ELAC1: variants seen among roughly 807,000 people sequenced by gnomAD.
ELAC1 encodes zinc phosphodiesterase ELAC protein 1.
Under a neutral mutation model 25.8 loss-of-function variants are expected in ELAC1, and 19 were observed. The observed-to-expected ratio is 0.74, with a 90% CI of 0.51 to 1.08. ELAC1 has a LOEUF of 1.08. ELAC1 is among the 50% of genes least tolerant of loss of function. The pLI, the probability that ELAC1 is intolerant of heterozygous loss-of-function variation, is 0.00. For missense variants in ELAC1, 403 were observed against 434.6 expected, an observed-to-expected ratio of 0.93 and a Z score of 0.65; for synonymous variants, 148 against 160.9, an observed-to-expected ratio of 0.92 and a Z score of 0.61.
Position 50,987,011 on chromosome 18 carries a change from G to C in ELAC1, c.1018G>C (p.Glu340Gln). 1 of 1,611,182 alleles carries C rather than the reference G, an allele frequency of 6.2e-7. No homozygotes were observed. Among genetic ancestry groups the C allele is most frequent in the South Asian group, 1.1e-5 (1 of 90,480 alleles). The change falls in exon 4 of 4, where the codon GAA becomes CAA. Residue 340 changes from glutamate to glutamine, a missense_variant. By Grantham distance (29) the Glu-to-Gln change is conservative (BLOSUM62 2). Coordinates refer to ENST00000269466, the MANE Select transcript of ELAC1 (RefSeq NM_018696.3). ...CATTGCAGAACTAAAAAAGCAAGCT[G>C]AATCAGTGTTAGATCTCCAAGAAGT... ...DGIAELKKQA[E>Q]SVLDLQEVTL... is the part of the protein sequence containing the mutation.
chr18:50,973,573 A>G (rs564377686), intron 1 of ELAC1, among the ~76,000 whole-genome samples: 1 of 152,346 alleles, frequency 6.6e-6, no homozygotes, highest in East Asian at 1.9e-4. Context: ...CATTACTGTT[A>G]TGATTGTTCA....
intron 2 of ELAC1, among the ~76,000 whole-genome samples, chr18:50,977,795 A>T (rs1318315056): frequency 1.3e-5 from 2 of 152,198 alleles, no homozygotes; most frequent in Admixed American, 1.3e-4. Context: ...CTTTAAACAT[A>T]AGTTACAATT....
intron 2 of ELAC1, among the ~76,000 whole-genome samples, chr18:50,976,243 C>T (rs1907793851): frequency 6.6e-6 from 1 of 152,122 alleles, no homozygotes; most frequent in South Asian, 2.1e-4. Flanking sequence ...GAGAGAATAG[C>T]ATCAGGGAGA....
At chr18:50,969,632 AAGAG>A (rs1213270275) in intron 1 of ELAC1, 2 of 152,258 alleles carry the variant, frequency 1.3e-5, no homozygotes, top group East Asian at 1.9e-4. Context: ...TAACGTCAGA[AAGAG>A]AGACAGCTAG....
intron 2 of ELAC1, among the ~76,000 whole-genome samples, chr18:50,980,394 T>C (rs774083579): frequency 1.3e-5 from 2 of 150,732 alleles, no homozygotes; most frequent in Non-Finnish European, 3.0e-5. Flanking sequence ...CAAAACAAAA[T>C]AAAAGAAAAC....
At chr18:50,980,696 G>T (rs1292102213) in intron 2 of ELAC1, among the ~76,000 whole-genome samples, 2 of 150,950 alleles carry the variant, frequency 1.3e-5, no homozygotes, top group Non-Finnish European at 2.9e-5. Context: ...CCAGGAGGCG[G>T]AGGTTGTGGT....
chr18:50,986,995 A>G lies in ELAC1; in HGVS notation c.1002A>G (p.Glu334=). 6.2e-7 allele frequency: 1 copy of G among 1,613,292 alleles called. No homozygotes were observed. The highest frequency in any genetic ancestry group is 1.1e-5 in the South Asian group (1 of 90,928). Residue 334 remains glutamate, a synonymous_variant, in exon 4 of 4, where the codon GAA becomes GAG. Coordinates refer to ENST00000269466, the MANE Select transcript of ELAC1 (RefSeq NM_018696.3). ...AREGETDGIA[E]LKKQAESVLD... is the part of the protein sequence containing the mutation. ...AAGGAGAAACAGATGGCATTGCAGA[A>G]CTAAAAAAGCAAGCTGAATCAGTGT...
chr18:50,979,577 A>G (rs1907886480), intron 2 of ELAC1, among the ~76,000 whole-genome samples: 1 of 152,168 alleles, frequency 6.6e-6, no homozygotes, highest in Non-Finnish European at 1.5e-5. Context: ...TTCTTGTGCC[A>G]TATTCTGCTG....
chr18:50,984,303 A>C lies in ELAC1; in HGVS notation c.365A>C (p.Glu122Ala), dbSNP rs755429988. 1 of 1,614,208 alleles carries C rather than the reference A, an allele frequency of 6.2e-7. No homozygotes were observed. The highest frequency in any genetic ancestry group is 8.5e-7 in the Non-Finnish European group (1 of 1,180,032). ...TELVFHYVVH[E>A]LVPTADQCPA... is the part of the protein sequence containing the mutation. The stretch of plus-strand genomic sequence containing the variant: ...CTGGTCTTCCATTATGTGGTTCATG[A>C]ACTGGTTCCTACAGCAGATCAATGT... Residue 122 changes from glutamate (E) to alanine (A), a missense_variant, in exon 3 of 4, where the codon GAA becomes GCA. Glu to Ala is a moderately radical substitution (Grantham distance 107, BLOSUM62 -1). Transcript: ENST00000269466.
At position 50,987,923 on chromosome 18, in the gene ELAC1, A is replaced by C. The variant is rs530971903; in HGVS notation, c.*838A>C. On this transcript the variant is annotated 3_prime_UTR_variant, in exon 4 of 4. Transcript: ENST00000269466. Reference sequence around the variant, plus strand: ...GATGTGAATATAGTTTACCAAAATTAGTGACATAATGAGTGGAATTACTAG... The same window carrying C: ...GATGTGAATATAGTTTACCAAAATTCGTGACATAATGAGTGGAATTACTAG... The C allele has an allele frequency of 6.6e-6, 1 of 152,376 alleles. No individual in the cohort carries two copies. The highest frequency in any genetic ancestry group is 2.1e-4 in the South Asian group (1 of 4,832). The allele number at this position is 152,376 out of a possible 1,614,324, so 9.4% of individuals were successfully genotyped here.
Position 50,986,828 on chromosome 18 carries a change from G to C in ELAC1, c.835G>C (p.Asp279His). 1 of 1,614,180 alleles carries C rather than the reference G, an allele frequency of 6.2e-7. No individual in the cohort carries two copies. The highest frequency in any genetic ancestry group is 8.5e-7 in the Non-Finnish European group (1 of 1,180,024). The change falls in exon 4 of 4, where the codon GAT becomes CAT. Residue 279 changes from aspartate (D) to histidine (H), a missense_variant. Coordinates refer to ENST00000269466, the MANE Select transcript of ELAC1 (RefSeq NM_018696.3). ...ADLLIHEATLDDAQMDKAKEH... is the reference protein window; with the variant it reads ...ADLLIHEATLHDAQMDKAKEH... ...CCTGTTGATCCACGAAGCAACCCTG[G>C]ATGATGCCCAGATGGACAAAGCAAA...
In ELAC1 at chr18:50,985,940, A is replaced by G. The variant is rs76027420; in HGVS notation, c.626-679A>G. 5.6e-3 allele frequency among the ~76,000 whole-genome samples: 847 copies of G among 152,228 alleles called. 8 individuals are homozygous for G. Among genetic ancestry groups the G allele is most frequent in the African/African-American group, 0.019 (798 of 41,542 alleles). On this transcript the variant is annotated intron_variant, in intron 3 of 3. Coordinates refer to ENST00000269466, the MANE Select transcript of ELAC1 (RefSeq NM_018696.3). ...AAATGCTCCTTGATCTTGTAATACA[A>G]ACAATCCTGCTAACAATTTTTTTAT...
At chr18:50,973,212 C>T (rs1907709253) in intron 1 of ELAC1, among the ~76,000 whole-genome samples, 1 of 152,186 alleles carries the variant, frequency 6.6e-6, no homozygotes, top group Admixed American at 6.6e-5. Flanking sequence ...ATCTAGCTGT[C>T]AGTCAAATTC....
chr18:50,986,391 T>A (rs1908108731), intron 3 of ELAC1, among the ~76,000 whole-genome samples: 1 of 152,174 alleles, frequency 6.6e-6, no homozygotes, highest in African/African-American at 2.4e-5. Context: ...AGACTAAAAC[T>A]TGTCTGACAT....
chr18:50,975,033 AG>A (rs1907765945), intron 2 of ELAC1, among the ~76,000 whole-genome samples: 1 of 152,154 alleles, frequency 6.6e-6, no homozygotes, highest in Non-Finnish European at 1.5e-5. Context: ...TTCAGGGCTG[AG>A]GAGAAGAAGG....
rs145239934 is a variant in ELAC1, at chr18:50,986,920, G to A, written c.927G>A (p.Leu309=). ...CAAAGTTGTGCCGTGCAAAGAGGCT[G>A]GTTCTGACTCACTTCAGTCAGAGGT... is the stretch of plus-strand genomic sequence containing the variant. ...TFAKLCRAKR[L]VLTHFSQRYK... is the part of the protein sequence containing the mutation. The change falls in exon 4 of 4, where the codon CTG becomes CTA. Residue 309 remains leucine, a synonymous_variant. Coordinates refer to ENST00000269466, the MANE Select transcript of ELAC1 (RefSeq NM_018696.3). The A allele has an allele frequency of 3.7e-6, 6 of 1,613,764 alleles. No homozygotes were observed. The highest frequency in any genetic ancestry group is 1.7e-5 in the Admixed American group (1 of 59,978).
intron 2 of ELAC1, among the ~76,000 whole-genome samples, chr18:50,980,900 A>T (rs1210052140): frequency 1.3e-5 from 2 of 152,086 alleles, no homozygotes; most frequent in Non-Finnish European, 2.9e-5. Flanking sequence ...CTCAGTACAT[A>T]CTAATTTCTC....
In ELAC1 at chr18:50,980,644, A is replaced by T. The variant is rs191344195; in HGVS notation, c.158-3452A>T. Among the ~76,000 whole-genome samples, 295 of 150,306 alleles carry T rather than the reference A, an allele frequency of 2.0e-3. 2 individuals carry two copies. The highest frequency in any genetic ancestry group is 4.6e-3 in the African/African-American group (189 of 40,974). ...TGGGCGTGGTGGCGGGTGCCTGTAAACCCAGCTACTTGGGAGGCTGAGGCA... is the reference window on the plus strand; with the variant it reads ...TGGGCGTGGTGGCGGGTGCCTGTAATCCCAGCTACTTGGGAGGCTGAGGCA... On this transcript the variant is annotated intron_variant, in intron 2 of 3. Transcript: ENST00000269466.
rs971739714 is a variant in ELAC1 at position 50,980,711 on chromosome 18, C to T, written c.158-3385C>T. 2.1e-4 allele frequency among the ~76,000 whole-genome samples: 31 copies of T among 146,684 alleles called. 1 individual carries two copies. Among genetic ancestry groups the T allele is most frequent in the Admixed American group, 1.8e-3 (26 of 14,192 alleles). ...CCAGGAGGCGGAGGTTGTGGTGAGC[C>T]GAGATAGTGCCACTGCACTCTAGCC... On this transcript the variant is annotated intron_variant, in intron 2 of 3. Transcript: ENST00000269466.
Sources: allele counts gnomAD v4.1 joint callset (sites outside exome capture counted in the v4.1 genomes callset), GRCh38; gene constraint gnomAD v4.1.1; transcripts MANE v1.5; gene names NCBI Gene and HGNC (gene_info 2026-07-23, HGNC 2026-07-21).